Variants in AP3B1 observed in about 807,000 individuals in gnomAD.
The protein encoded by AP3B1 is adaptor related protein complex 3 subunit beta 1.
Under a neutral mutation model 132.5 loss-of-function variants are expected in AP3B1, and 61 were observed. The observed-to-expected ratio is 0.46, with a 90% CI of 0.37 to 0.57. The LOEUF (loss-of-function observed/expected upper bound fraction) is 0.57. Ranked by LOEUF, AP3B1 falls within the 20% of genes least tolerant of loss-of-function variation. The pLI, the probability that AP3B1 is intolerant of heterozygous loss-of-function variation, is 0.00. For synonymous variants in AP3B1, 388 were observed against 438.3 expected (o/e 0.89, Z 1.43); for missense variants, 1,120 against 1,289.4 (o/e 0.87, Z 2.01).
intron 22 of AP3B1, among the ~76,000 whole-genome samples, chr5:78,050,187 C>T (rs252800): frequency 0.15 from 22,633 of 152,116 alleles, 2,169 homozygotes; most frequent in Admixed American, 0.26. Flanking sequence ...CAAATATTAC[C>T]ATCTTAGTAA....
intron 3 of AP3B1, among the ~76,000 whole-genome samples, chr5:78,238,015 GAT>G (rs1746955187): frequency 6.6e-6 from 1 of 152,156 alleles, no homozygotes; most frequent in Admixed American, 6.5e-5. Context: ...ACACACCTAG[GAT>G]ATATGACATA....
intron 25 of AP3B1, among the ~76,000 whole-genome samples, chr5:78,018,476 C>T (rs1017364132): frequency 4.8e-5 from 7 of 145,422 alleles, no homozygotes; most frequent in African/African-American, 1.7e-4. Flanking sequence ...TAATACTGTA[C>T]ACTTTTCAGT....
Position 78,254,826 on chromosome 5 carries a change from A to C in AP3B1, c.204+12694T>G, listed in dbSNP as rs545459897. On this transcript the variant is annotated intron_variant, in intron 2 of 26. Transcript: ENST00000255194. Reference sequence around the variant, plus strand: ...TTATAAAACTGTAGCTGTGATGTATAAACTATTCTTATCCTGAGTAGAAAA... The same window carrying C: ...TTATAAAACTGTAGCTGTGATGTATCAACTATTCTTATCCTGAGTAGAAAA... Among the ~76,000 whole-genome samples, 241 of 152,316 alleles carry C rather than the reference A, an allele frequency of 1.6e-3. 2 individuals carry two copies. Among genetic ancestry groups the C allele is most frequent in the South Asian group, 9.5e-3 (46 of 4,832 alleles).
chr5:78,189,856 C>A, intron 7 of AP3B1, among the ~76,000 whole-genome samples: 1 of 144,770 alleles, frequency 6.9e-6, no homozygotes, highest in East Asian at 2.2e-4. Flanking sequence ...GATGACAGAG[C>A]AAGACTCCAT....
intron 2 of AP3B1, among the ~76,000 whole-genome samples, chr5:78,242,531 C>T (rs1318590989): frequency 6.6e-6 from 1 of 152,104 alleles, no homozygotes; most frequent in African/African-American, 2.4e-5. Context: ...TTCAGTCTCC[C>T]GAGTAGCTGG....
At chr5:78,262,789 C>T (rs1748151915) in intron 2 of AP3B1, among the ~76,000 whole-genome samples, 1 of 151,720 alleles carries the variant, frequency 6.6e-6, no homozygotes, top group Admixed American at 6.6e-5. Context: ...ACCACAACCT[C>T]AGCCTCCCAA....
chr5:78,086,407 A>G (rs77442290), intron 22 of AP3B1, among the ~76,000 whole-genome samples: 9,174 of 152,256 alleles, frequency 0.06, 889 homozygotes, highest in African/African-American at 0.2. Flanking sequence ...TACCAACAAC[A>G]ATCCTATGAG....
At chr5:78,174,490 CCT>C (rs1422934709) in intron 11 of AP3B1, among the ~76,000 whole-genome samples, 2 of 152,138 alleles carry the variant, frequency 1.3e-5, no homozygotes, top group East Asian at 1.9e-4. Context: ...CACTCCAGAC[CCT>C]GTTTGCCTGG....
intron 21 of AP3B1, among the ~76,000 whole-genome samples, chr5:78,095,894 A>G (rs943421651): frequency 1.3e-5 from 2 of 152,230 alleles, no homozygotes; most frequent in Admixed American, 6.5e-5. Context: ...AAAGAGAAAC[A>G]CTATATCCTA....
intron 11 of AP3B1, among the ~76,000 whole-genome samples, chr5:78,171,888 CTCT>C (rs1201348310): frequency 6.6e-6 from 1 of 152,082 alleles, no homozygotes; most frequent in Admixed American, 6.6e-5. Flanking sequence ...TCATAAATAG[CTCT>C]TATTATTTTG....
At chr5:78,223,892 T>C (rs1186159040) in intron 6 of AP3B1, among the ~76,000 whole-genome samples, 2 of 152,190 alleles carry the variant, frequency 1.3e-5, no homozygotes, top group Non-Finnish European at 2.9e-5. Context: ...TGGGAAGACA[T>C]GCACATATTA....
At chr5:78,022,917 T>C (rs1027626817) in intron 24 of AP3B1, among the ~76,000 whole-genome samples, 1 of 152,134 alleles carries the variant, frequency 6.6e-6, no homozygotes, top group Non-Finnish European at 1.5e-5. Context: ...TGAAAAGAAG[T>C]TGAACAATAT....
intron 17 of AP3B1, among the ~76,000 whole-genome samples, chr5:78,117,450 C>A (rs1751904602): frequency 6.6e-6 from 1 of 151,890 alleles, no homozygotes; most frequent in Non-Finnish European, 1.5e-5. Flanking sequence ...GCTGGGATCA[C>A]AGGCACCCAC....
At chr5:78,098,207 A>G (rs983951559) in intron 21 of AP3B1, among the ~76,000 whole-genome samples, 1 of 151,604 alleles carries the variant, frequency 6.6e-6, no homozygotes, top group African/African-American at 2.4e-5. Context: ...TTATCTGCTG[A>G]CCTTCCCTCC....
At chr5:78,037,430 TTAA>T (rs2112097027) in intron 23 of AP3B1, among the ~76,000 whole-genome samples, 1 of 152,356 alleles carries the variant, frequency 6.6e-6, no homozygotes, top group Admixed American at 6.5e-5. Context: ...AAATAGTGTC[TTAA>T]TTATCAAAAT....
chr5:78,173,852 T>C (rs761493418), intron 11 of AP3B1, among the ~76,000 whole-genome samples: 11 of 152,168 alleles, frequency 7.2e-5, no homozygotes, highest in Non-Finnish European at 1.6e-4. Flanking sequence ...TTTCCCACAG[T>C]CTGTTATTTC....
chr5:78,251,954 G>GT (rs938088833), intron 2 of AP3B1, among the ~76,000 whole-genome samples: 1 of 152,166 alleles, frequency 6.6e-6, no homozygotes, highest in African/African-American at 2.4e-5. Context: ...AGAGGGAAGA[G>GT]TGGGGAGGAC....
intron 3 of AP3B1, among the ~76,000 whole-genome samples, chr5:78,232,958 C>T (rs1185227758): frequency 1.3e-5 from 2 of 152,174 alleles, no homozygotes; most frequent in African/African-American, 2.4e-5. Context: ...CCACCCACCT[C>T]GGCCTCCCAA....
At chr5:78,233,246 T>C (rs1212058038) in intron 3 of AP3B1, among the ~76,000 whole-genome samples, 2 of 151,356 alleles carry the variant, frequency 1.3e-5, no homozygotes, top group Non-Finnish European at 2.9e-5. Flanking sequence ...TCTTTTTTTT[T>C]TTTTGAGACG....
Sources: gnomAD v4.1 joint callset for allele counts (sites outside exome capture counted in the v4.1 genomes callset) on GRCh38, gnomAD v4.1.1 for gene constraint, MANE v1.5 for transcripts, NCBI Gene and HGNC (gene_info 2026-07-23, HGNC 2026-07-21) for gene names.